The following ANKRD26 variants were observed in gnomAD, a reference collection of about 807,000 sequenced individuals.
The protein encoded by ANKRD26 is ankyrin repeat domain-containing protein 26.
Under a neutral mutation model 208.7 loss-of-function variants are expected in ANKRD26, and 141 were observed. That is an observed-to-expected ratio of 0.68 (90% confidence interval 0.59 to 0.78). The LOEUF is 0.78. ANKRD26 is among the 30% of genes least tolerant of loss of function. ANKRD26 has a pLI of 0.00. For missense variants in ANKRD26, 1,889 were observed against 1,938.7 expected (o/e 0.97, Z 0.48); for synonymous variants, 636 against 660.4 (o/e 0.96, Z 0.57).
At chr10:26,972,083 A>G (rs532685854), downstream of ANKRD26, among the ~76,000 whole-genome samples, 150 of 152,068 alleles carry the variant, frequency 9.9e-4, no homozygotes, top group African/African-American at 2.5e-3. Context: ...AAAATACAAA[A>G]AATTAGCCAG....
chr10:27,075,719 T>C (rs1451314076), intron 9 of ANKRD26, among the ~76,000 whole-genome samples: 1 of 152,084 alleles, frequency 6.6e-6, no homozygotes, highest in Non-Finnish European at 1.5e-5. Context: ...CAAAGAAACA[T>C]TGGACTTAAA....
intron 29 of ANKRD26, among the ~76,000 whole-genome samples, chr10:27,018,141 ATTTT>A (rs11346457): frequency 7.6e-6 from 1 of 131,156 alleles, no homozygotes; most frequent in Non-Finnish European, 1.6e-5. Flanking sequence ...ATGCCCTATA[ATTTT>A]TTTTTTTTTT....
downstream of ANKRD26, among the ~76,000 whole-genome samples, chr10:26,990,143 C>A (rs979062097): frequency 6.6e-6 from 1 of 152,126 alleles, no homozygotes; most frequent in Non-Finnish European, 1.5e-5. Flanking sequence ...CTAATATGGG[C>A]ATCTCAGAAG....
At chr10:27,030,472 T>C (rs1290855500) in intron 25 of ANKRD26, 43 of 985,272 alleles carry the variant, frequency 4.4e-5, no homozygotes, top group Non-Finnish European at 5.1e-5. Context: ...TTGCAACAAC[T>C]GTCTATGCTG....
At chr10:27,048,032 G>C (rs986788333) in intron 17 of ANKRD26, among the ~76,000 whole-genome samples, 1 of 151,966 alleles carries the variant, frequency 6.6e-6, no homozygotes, top group Non-Finnish European at 1.5e-5. Flanking sequence ...ATGAGCCACC[G>C]CACCTGGCCA....
chr10:27,097,834 A>G (rs1352042017), intron 1 of ANKRD26, among the ~76,000 whole-genome samples: 1 of 151,988 alleles, frequency 6.6e-6, no homozygotes, highest in African/African-American at 2.4e-5. Flanking sequence ...TTGTATTTTT[A>G]CTACAGAAGG....
chr10:26,966,850 G>A, the ANKRD26 span, among the ~76,000 whole-genome samples: 2 of 151,944 alleles, frequency 1.3e-5, 1 homozygote, highest in Non-Finnish European at 2.9e-5. Flanking sequence ...GAGTTCTACG[G>A]GACATAAATT....
At chr10:26,956,715 C>T in the ANKRD26 span, among the ~76,000 whole-genome samples, 1 of 152,066 alleles carries the variant, frequency 6.6e-6, no homozygotes. Context: ...TATTTTGGAC[C>T]TTGATTTATC....
chr10:26,972,175 C>T (rs1347769583), downstream of ANKRD26, among the ~76,000 whole-genome samples: 2 of 148,758 alleles, frequency 1.3e-5, no homozygotes, highest in Non-Finnish European at 3.0e-5. Context: ...GCGGAGCTTG[C>T]AGTGAGCCGA....
intron 30 of ANKRD26, among the ~76,000 whole-genome samples, chr10:27,016,407 G>T (rs1254410122): frequency 6.6e-6 from 1 of 152,040 alleles, no homozygotes; most frequent in Admixed American, 6.6e-5. Context: ...CGAGTAACTG[G>T]GACTACAGGC....
intron 11 of ANKRD26, 33 bp downstream of exon 11, chr10:27,066,454 T>A (rs778779277): frequency 8.6e-6 from 13 of 1,515,090 alleles, no homozygotes; most frequent in Non-Finnish European, 1.2e-5. Flanking sequence ...AATGCTTATA[T>A]TTTAAAATAA....
At chr10:27,099,636 C>T (rs2056582634) in intron 1 of ANKRD26, among the ~76,000 whole-genome samples, 1 of 151,930 alleles carries the variant, frequency 6.6e-6, no homozygotes, top group Non-Finnish European at 1.5e-5. Flanking sequence ...CCGCCTCAGC[C>T]TCCCGAAGTG....
chr10:27,058,244 G>A (rs1453500707), intron 15 of ANKRD26, among the ~76,000 whole-genome samples: 1 of 152,068 alleles, frequency 6.6e-6, no homozygotes, highest in Non-Finnish European at 1.5e-5. Context: ...TAAAACTGTG[G>A]TTCTAAATTT....
chr10:27,061,481 C>T (rs2055053702), intron 12 of ANKRD26, among the ~76,000 whole-genome samples: 1 of 150,938 alleles, frequency 6.6e-6, no homozygotes, highest in African/African-American at 2.4e-5. Context: ...CTATCGTTAT[C>T]AAAAAGCAAC....
intron 15 of ANKRD26, among the ~76,000 whole-genome samples, chr10:27,055,222 T>G (rs1202792395): frequency 6.6e-6 from 1 of 152,206 alleles, no homozygotes; most frequent in Non-Finnish European, 1.5e-5. Context: ...CAGGCACTGT[T>G]TAAGTTGTTT....
At chr10:27,086,780 T>G (rs949953620) in intron 4 of ANKRD26, among the ~76,000 whole-genome samples, 171 bp from the exon 5 acceptor site, 6 of 144,122 alleles carry the variant, frequency 4.2e-5, no homozygotes, top group Non-Finnish European at 9.1e-5. Flanking sequence ...TTTTTTTTTT[T>G]TTTTTTTTTG....
chr10:26,982,163 C>T (rs1352745055), intron 4 of ANKRD26, among the ~76,000 whole-genome samples: 1 of 152,130 alleles, frequency 6.6e-6, no homozygotes, highest in Non-Finnish European at 1.5e-5. Context: ...TGTTCTGCAC[C>T]TGTGAATATA....
intron 3 of ANKRD26, 142 bp from the exon 4 acceptor site, chr10:27,092,654 C>T: frequency 1.5e-6 from 1 of 681,742 alleles, no homozygotes; most frequent in South Asian, 1.7e-5. Context: ...GGAAACACCC[C>T]TCCTCTGCCT....
intron 25 of ANKRD26, among the ~76,000 whole-genome samples, chr10:27,032,432 T>A (rs1270248688): frequency 6.6e-6 from 1 of 151,816 alleles, no homozygotes; most frequent in East Asian, 1.9e-4. Context: ...GTTAGGAGTT[T>A]GAGACCAGCC....
Sources: allele counts gnomAD v4.1 joint callset (sites outside exome capture counted in the v4.1 genomes callset), GRCh38; gene constraint gnomAD v4.1.1; transcripts MANE v1.5; gene names NCBI Gene and HGNC (gene_info 2026-07-23, HGNC 2026-07-21).